PTPDC1: variants seen among roughly 807,000 people sequenced by gnomAD.
The protein encoded by PTPDC1 is protein tyrosine phosphatase domain-containing protein 1.
Under a neutral mutation model 75.3 loss-of-function variants are expected in PTPDC1, and 53 were observed. The observed-to-expected ratio is 0.70, with a 90% CI of 0.56 to 0.88. The LOEUF (loss-of-function observed/expected upper bound fraction) is 0.88. Ranked by LOEUF, PTPDC1 falls within the 40% of genes least tolerant of loss-of-function variation. The pLI is 0.00. For synonymous variants in PTPDC1, 349 were observed against 366.2 expected, an observed-to-expected ratio of 0.95 and a Z score of 0.54; for missense variants, 925 against 998.6, an observed-to-expected ratio of 0.93 and a Z score of 0.99.
At chr9:94,069,522 C>CTTT (rs564996961) in intron 2 of PTPDC1, among the ~76,000 whole-genome samples, 5 of 135,768 alleles carry the variant, frequency 3.7e-5, no homozygotes, top group African/African-American at 8.1e-5. Context: ...ACTTCCAATT[C>CTTT]TTTTTTTTTT....
At chr9:94,054,325 CT>C (rs1366946602) in intron 1 of PTPDC1, among the ~76,000 whole-genome samples, 7 of 152,142 alleles carry the variant, frequency 4.6e-5, no homozygotes, top group African/African-American at 9.7e-5. Flanking sequence ...TGAGAATAGA[CT>C]GACTTACATA....
intron 2 of PTPDC1, among the ~76,000 whole-genome samples, chr9:94,087,440 A>C (rs1827115837): frequency 6.6e-6 from 1 of 152,364 alleles, no homozygotes; most frequent in Admixed American, 6.5e-5. Flanking sequence ...AAAGCAAAGT[A>C]TCTAACAGTG....
upstream of PTPDC1, among the ~76,000 whole-genome samples, chr9:94,083,016 C>G (rs563445476): frequency 3.9e-5 from 6 of 152,348 alleles, no homozygotes; most frequent in Admixed American, 1.3e-4. Flanking sequence ...CTGCAGAGCT[C>G]ACCACTCTTG....
chr9:94,088,725 A>G lies in PTPDC1; in HGVS notation c.616+462A>G, dbSNP rs192784130. Among the ~76,000 whole-genome samples, 254 of 152,316 alleles carry G rather than the reference A, an allele frequency of 1.7e-3. 1 individual carries two copies. Among genetic ancestry groups the G allele is most frequent in the African/African-American group, 5.7e-3 (239 of 41,584 alleles). ...TCCCAAAATGATGCCCAGGAATTCT[A>G]CTTCTAACAATTTCAAAGCCGCCTC... On this transcript the variant is annotated intron_variant, in intron 4 of 8. Coordinates refer to ENST00000620992, the MANE Select transcript of PTPDC1 (RefSeq NM_001253829.2).
intron 1 of PTPDC1, among the ~76,000 whole-genome samples, chr9:94,033,141 A>C (rs1242989768): frequency 1.3e-5 from 2 of 152,122 alleles, no homozygotes; most frequent in Non-Finnish European, 2.9e-5. Flanking sequence ...GATTACAGCT[A>C]TGAGCCACCG....
At chr9:94,086,464 G>C (rs572908324) in intron 2 of PTPDC1, among the ~76,000 whole-genome samples, 53 of 152,186 alleles carry the variant, frequency 3.5e-4, no homozygotes, top group Non-Finnish European at 6.0e-4. Context: ...TGGGTCCCAT[G>C]TTAAACCATA....
chr9:94,098,536 C>A lies in PTPDC1; in HGVS notation c.1970C>A (p.Ser657Tyr), dbSNP rs1314879319. ...AAKALANLNE[S>Y]VEKEELKRKV... ...AAAGCCCTAGCAAATTTAAATGAAT[C>A]TGTAGAAAAGGAGGAACTAAAAAGG... The change falls in exon 6 of 9, where the codon TCT becomes TAT. Residue 657 changes from serine (S) to tyrosine (Y), a missense_variant. Physicochemically the swap from Ser to Tyr is moderately radical, Grantham distance 144. Coordinates refer to ENST00000620992, the MANE Select transcript of PTPDC1 (RefSeq NM_001253829.2). 1 of 1,614,040 alleles carries A rather than the reference C, an allele frequency of 6.2e-7. No individual in the cohort carries two copies. The highest frequency in any genetic ancestry group is 1.1e-5 in the South Asian group (1 of 91,080).
upstream of PTPDC1, among the ~76,000 whole-genome samples, chr9:94,081,408 A>T (rs1412829389): frequency 6.6e-6 from 1 of 152,208 alleles, no homozygotes; most frequent in Non-Finnish European, 1.5e-5. Flanking sequence ...GGCACCTGTC[A>T]TATTGGCTAC....
chr9:94,099,122 C>G (rs1304812523), intron 6 of PTPDC1, among the ~76,000 whole-genome samples: 2 of 152,210 alleles, frequency 1.3e-5, no homozygotes, highest in Non-Finnish European at 2.9e-5. Context: ...GTGGGTGAAA[C>G]CACAGATTAC....
chr9:94,087,711 A>C, intron 2 of PTPDC1, 120 bp from the exon 3 acceptor site: 1 of 687,784 alleles, frequency 1.5e-6, no homozygotes, highest in Non-Finnish European at 2.6e-6. Flanking sequence ...CACAAAAAAG[A>C]ATATTCTAAC....
intron 4 of PTPDC1, among the ~76,000 whole-genome samples, chr9:94,092,571 G>T (rs1322859947): frequency 2.0e-5 from 3 of 151,956 alleles, no homozygotes; most frequent in Non-Finnish European, 4.4e-5. Context: ...TTGATATGGG[G>T]TGGAGAGTTC....
chr9:94,104,699 C>T (rs145056021), intron 8 of PTPDC1, among the ~76,000 whole-genome samples: 6 of 152,322 alleles, frequency 3.9e-5, no homozygotes, highest in African/African-American at 1.4e-4. Context: ...TGTGCCTAAT[C>T]AGAGTCAGAG....
chr9:94,044,085 T>C (rs1304583078), intron 1 of PTPDC1, among the ~76,000 whole-genome samples: 4 of 152,234 alleles, frequency 2.6e-5, no homozygotes, highest in East Asian at 1.9e-4. Flanking sequence ...AATCAGGTAA[T>C]GTAAATCCTG....
intron 2 of PTPDC1, among the ~76,000 whole-genome samples, chr9:94,065,350 G>C (rs1488993654): frequency 6.6e-6 from 1 of 152,186 alleles, no homozygotes; most frequent in Non-Finnish European, 1.5e-5. Context: ...AGATATTGCT[G>C]GTCTTGCTAC....
In PTPDC1 at chr9:94,097,653, G is replaced by A; in HGVS notation, c.1087G>A (p.Asp363Asn). Residue 363 changes from aspartate (D) to asparagine (N), a missense_variant, in exon 6 of 9, where the codon GAT becomes AAT. Transcript: ENST00000620992. Reference sequence around the variant, plus strand: ...GGAGAACAGGCCAGTGATGATGAAGGATGTGTCCGAAGGACCTGGTCTCTC... The same window carrying A: ...GGAGAACAGGCCAGTGATGATGAAGAATGTGTCCGAAGGACCTGGTCTCTC... ...LAENRPVMMK[D>N]VSEGPGLSAE... is the part of the protein sequence containing the mutation. 1 of 1,614,110 alleles carries A rather than the reference G, an allele frequency of 6.2e-7. No individual in the cohort carries two copies. Among genetic ancestry groups the A allele is most frequent in the Non-Finnish European group, 8.5e-7 (1 of 1,180,042 alleles).
Position 94,098,322 on chromosome 9 carries a change from G to A in PTPDC1, c.1756G>A (p.Val586Ile). ...TCACTGTCAGTGTAAAACTCATGGT[G>A]TTGGGAGCCCTGGCTCTGTCAGGCA... ...VSHCQCKTHG[V>I]GSPGSVRQNS... Residue 586 changes from valine to isoleucine, a missense_variant, in exon 6 of 9, where the codon GTT becomes ATT. By Grantham distance (29) the Val-to-Ile change is conservative. Transcript: ENST00000620992. The A allele has an allele frequency of 6.2e-7, 1 of 1,614,198 alleles. No individual in the cohort carries two copies. Among genetic ancestry groups the A allele is most frequent in the Non-Finnish European group, 8.5e-7 (1 of 1,180,042 alleles).
chr9:94,084,866 G>A, intron 1 of PTPDC1, 92 bp downstream of exon 1: 1 of 908,194 alleles, frequency 1.1e-6, no homozygotes, highest in African/African-American at 1.7e-5. Context: ...TTAAATATTG[G>A]CAGTTTATTC....
At chr9:94,035,829 G>T (rs1825246648) in intron 1 of PTPDC1, among the ~76,000 whole-genome samples, 1 of 151,934 alleles carries the variant, frequency 6.6e-6, no homozygotes, top group South Asian at 2.1e-4. Context: ...CCACATCTTT[G>T]CCAACACCTA....
rs562143436 is a variant in PTPDC1, at chr9:94,058,702, T to A, written c.-6-6032T>A. ...GCCTGGGGGACAGAGCAAGACTCTGTCTCAAAAAACAAACAAAAAAGCTAT... is the reference window on the plus strand; with the variant it reads ...GCCTGGGGGACAGAGCAAGACTCTGACTCAAAAAACAAACAAAAAAGCTAT... On this transcript the variant is annotated intron_variant, in intron 1 of 9. Transcript: ENST00000375360. Among the ~76,000 whole-genome samples, 95 of 151,248 alleles carry A rather than the reference T, an allele frequency of 6.3e-4. 1 individual carries two copies. Among genetic ancestry groups the A allele is most frequent in the African/African-American group, 2.2e-3 (91 of 41,184 alleles).
Sources: allele counts gnomAD v4.1 joint callset (sites outside exome capture counted in the v4.1 genomes callset), GRCh38; gene constraint gnomAD v4.1.1; transcripts MANE v1.5; gene names NCBI Gene and HGNC (gene_info 2026-07-23, HGNC 2026-07-21).